LY96: variants seen among roughly 807,000 people sequenced by gnomAD.
LY96 encodes the protein lymphocyte antigen 96.
LY96 carries 18 observed loss-of-function variants against 18.9 expected under a neutral mutation model. The ratio of observed to expected loss-of-function variants is 0.95; its 90% confidence interval spans 0.66 to 1.41. LY96 has a LOEUF of 1.41. Ranked by LOEUF, LY96 falls within the 40% of genes most tolerant of loss-of-function variation. LY96 has a pLI of 0.00. For synonymous variants in LY96, 66 were observed against 62.6 expected (o/e 1.06, Z -0.26); for missense variants, 175 against 182.4 (o/e 0.96, Z 0.23).
intron 3 of LY96, among the ~76,000 whole-genome samples, chr8:74,011,165 A>G (rs1435148982): frequency 6.6e-6 from 1 of 152,176 alleles, no homozygotes; most frequent in Non-Finnish European, 1.5e-5. Flanking sequence ...TACTCTGGGG[A>G]AAACTGGATT....
At chr8:74,051,803 T>C in the LY96 span, among the ~76,000 whole-genome samples, 1 of 152,216 alleles carries the variant, frequency 6.6e-6, no homozygotes, top group African/African-American at 2.4e-5. Flanking sequence ...GCCTTGATCT[T>C]GGATTTCCTA....
chr8:74,068,255 C>A, the LY96 span, among the ~76,000 whole-genome samples: 2 of 151,774 alleles, frequency 1.3e-5, no homozygotes, highest in Non-Finnish European at 2.9e-5. Context: ...ATATAGAAAG[C>A]ACTCTTTCAC....
intron 3 of LY96, among the ~76,000 whole-genome samples, chr8:74,020,497 A>T (rs1470031842): frequency 6.6e-6 from 1 of 152,214 alleles, no homozygotes; most frequent in Non-Finnish European, 1.5e-5. Flanking sequence ...ATACTGCCCA[A>T]GGTAATTTAT....
downstream of LY96, among the ~76,000 whole-genome samples, chr8:74,033,276 G>T (rs6995910): frequency 0.3 from 45,492 of 151,926 alleles, 9,310 homozygotes; most frequent in African/African-American, 0.59. Context: ...AGAAAAGAAA[G>T]AAATAAAATG....
At chr8:74,017,581 C>G (rs1253222343) in intron 3 of LY96, among the ~76,000 whole-genome samples, 3 of 152,072 alleles carry the variant, frequency 2.0e-5, no homozygotes, top group Non-Finnish European at 4.4e-5. Context: ...AGAAGAGCAA[C>G]CCCAAGACAG....
At chr8:74,019,697 C>T (rs188368341) in intron 3 of LY96, among the ~76,000 whole-genome samples, 1 of 152,154 alleles carries the variant, frequency 6.6e-6, no homozygotes, top group African/African-American at 2.4e-5. Flanking sequence ...CCAAATCCAG[C>T]AACACATCAA....
the LY96 span, among the ~76,000 whole-genome samples, chr8:74,086,025 A>C: frequency 6.6e-6 from 1 of 152,094 alleles, no homozygotes; most frequent in Non-Finnish European, 1.5e-5. Flanking sequence ...GTACCCTCTG[A>C]CCAAGATCTC....
the LY96 span, among the ~76,000 whole-genome samples, chr8:74,076,607 A>G: frequency 1.3e-5 from 2 of 152,044 alleles, no homozygotes; most frequent in Admixed American, 6.6e-5. Context: ...TTACAGGCGT[A>G]AGTCACTGCG....
intron 2 of LY96, among the ~76,000 whole-genome samples, chr8:74,006,749 C>T (rs987133690): frequency 6.6e-6 from 1 of 152,058 alleles, no homozygotes; most frequent in African/African-American, 2.4e-5. Flanking sequence ...AGGTTTTACC[C>T]CTACACAATT....
chr8:74,093,941 T>A, the LY96 span, among the ~76,000 whole-genome samples: 2 of 152,224 alleles, frequency 1.3e-5, no homozygotes, highest in African/African-American at 4.8e-5. Context: ...TCTATAGGCA[T>A]GGAGAAGAGG....
chr8:74,093,600 T>G, the LY96 span, among the ~76,000 whole-genome samples: 1 of 152,242 alleles, frequency 6.6e-6, no homozygotes, highest in South Asian at 2.1e-4. Context: ...GTGGTTGATG[T>G]TTTTAGAGTG....
chr8:74,029,659 T>A (rs1166858251), downstream of LY96, among the ~76,000 whole-genome samples: 1 of 152,138 alleles, frequency 6.6e-6, no homozygotes, highest in Non-Finnish European at 1.5e-5. Flanking sequence ...CCTCTTTCCT[T>A]TATTTTATTT....
intron 1 of LY96, among the ~76,000 whole-genome samples, chr8:74,002,910 T>G (rs939377481): frequency 6.6e-6 from 1 of 152,180 alleles, no homozygotes; most frequent in Non-Finnish European, 1.5e-5. Context: ...CTTTAAAATG[T>G]TTTCTTTCTT....
At chr8:74,047,206 A>G in the LY96 span, among the ~76,000 whole-genome samples, 2 of 152,176 alleles carry the variant, frequency 1.3e-5, no homozygotes, top group African/African-American at 2.4e-5. Flanking sequence ...CTCATTCTAC[A>G]TGGATTTTCT....
At chr8:74,022,194 G>A (rs1333478792) in intron 3 of LY96, among the ~76,000 whole-genome samples, 1 of 152,174 alleles carries the variant, frequency 6.6e-6, no homozygotes, top group African/African-American at 2.4e-5. Flanking sequence ...GATCACTTGA[G>A]GTTAGGAGTT....
chr8:74,031,408 A>G (rs995803931), downstream of LY96, among the ~76,000 whole-genome samples: 3 of 152,254 alleles, frequency 2.0e-5, no homozygotes, highest in African/African-American at 7.2e-5. Flanking sequence ...CGGGCGCATC[A>G]CAAGGTTAGG....
chr8:73,992,875 T>TGTGTGA (rs1554600467), intron 1 of LY96, among the ~76,000 whole-genome samples: 6 of 150,686 alleles, frequency 4.0e-5, no homozygotes, highest in South Asian at 4.2e-4. Context: ...TGTGTGTGTG[T>TGTGTGA]GACAGAGTTT....
chr8:74,043,528 G>A, the LY96 span, among the ~76,000 whole-genome samples: 4 of 152,240 alleles, frequency 2.6e-5, no homozygotes, highest in East Asian at 7.7e-4. Flanking sequence ...TGCAGGTTGA[G>A]GTTGACTGGA....
the LY96 span, among the ~76,000 whole-genome samples, chr8:74,091,668 C>T: frequency 5.3e-5 from 8 of 152,262 alleles, no homozygotes; most frequent in Middle Eastern, 6.8e-3. Context: ...TCTCTCTAAG[C>T]GATATTTCTG....
Sources: allele counts gnomAD v4.1 joint callset (sites outside exome capture counted in the v4.1 genomes callset), GRCh38; gene constraint gnomAD v4.1.1; transcripts MANE v1.5; gene names NCBI Gene and HGNC (gene_info 2026-07-23, HGNC 2026-07-21).